PRR36: variants seen among roughly 807,000 people sequenced by gnomAD.
The protein encoded by PRR36 is proline-rich protein 36.
Under a neutral mutation model 58.6 loss-of-function variants are expected in PRR36, and 30 were observed. The observed-to-expected ratio is 0.51, with a 90% confidence interval of 0.38 to 0.69. The LOEUF is 0.69. PRR36 is among the 30% of genes least tolerant of loss of function. The pLI is 0.00. For missense variants in PRR36, 1,692 were observed against 1,805.6 expected (o/e 0.94, Z 1.14); for synonymous variants, 771 against 829.3 (o/e 0.93, Z 1.21).
Position 7,870,132 on chromosome 19 carries a change from A to C in PRR36, c.3112T>G (p.Ser1038Ala). Residue 1038 changes from serine (S) to alanine (A), a missense_variant, in exon 5 of 6, where the codon TCT becomes GCT. Coordinates refer to ENST00000618550, the MANE Select transcript of PRR36 (RefSeq NM_001190467.2). ...AAAGGAGACATTGGGAGTGAGGCAG[A>C]GGGTGAGAAAGGGGCCTGCCCAGGG... is the stretch of plus-strand genomic sequence containing the variant. The part of the protein sequence containing the change: ...SFPGQAPFSP[S>A]ASLPMSPLAT... 1 of 1,293,936 alleles carries C rather than the reference A, an allele frequency of 7.7e-7. No homozygotes were observed. Among genetic ancestry groups the C allele is most frequent in the East Asian group, 3.6e-5 (1 of 27,744 alleles). 80.2% of individuals were successfully genotyped at this position (1,293,936 alleles called of 1,614,324 possible).
In PRR36 at chr19:7,871,673, G is replaced by A. The variant is rs1374923666; in HGVS notation, c.1571C>T (p.Pro524Leu). Residue 524 changes from proline (P) to leucine (L), a missense_variant, in exon 5 of 6, where the codon CCT (proline) becomes CTT (leucine). Pro to Leu is a moderately conservative substitution (Grantham distance 98). Transcript: ENST00000618550. ...CTGCAGAGGCAATGTGGCCAGAAGAGGAGAGTCCTGCAGAGGAAGAGTGGC... is the reference window on the plus strand; with the variant it reads ...CTGCAGAGGCAATGTGGCCAGAAGAAGAGAGTCCTGCAGAGGAAGAGTGGC... Reference protein sequence around the residue: ...TLATLPLQDSPLLATLPLQAS... With the variant: ...TLATLPLQDSLLLATLPLQAS... 2 of 1,536,070 alleles carry A rather than the reference G, an allele frequency of 1.3e-6. No individual in the cohort carries two copies. Among genetic ancestry groups the A allele is most frequent in the East Asian group, 2.4e-5 (1 of 40,920 alleles).
rs749767385 is a variant in PRR36 at position 7,871,703 on chromosome 19, G to C, written c.1541C>G (p.Thr514Ser). ...SPPSLQATPH[T>S]LATLPLQDSP... is the part of the protein sequence containing the mutation. Reference sequence around the variant, plus strand: ...GTCCTGCAGAGGAAGAGTGGCCAGAGTGTGGGGCGTGGCCTGGAGAGAGGG... The same window carrying C: ...GTCCTGCAGAGGAAGAGTGGCCAGACTGTGGGGCGTGGCCTGGAGAGAGGG... The change falls in exon 5 of 6, where the codon ACT becomes AGT. Residue 514 changes from threonine to serine, a missense_variant. Thr to Ser is a moderately conservative substitution (Grantham distance 58). Coordinates refer to ENST00000618550, the MANE Select transcript of PRR36 (RefSeq NM_001190467.2). The C allele has an allele frequency of 6.5e-7, 1 of 1,535,802 alleles. No homozygotes were observed. The highest frequency in any genetic ancestry group is 2.4e-5 in the East Asian group (1 of 40,900).
Position 7,871,803 on chromosome 19 carries a change from G to A in PRR36, c.1441C>T (p.Leu481=), listed in dbSNP as rs555621557. The change falls in exon 5 of 6, where the codon CTG becomes TTG. Residue 481 remains leucine (L), a synonymous_variant. Coordinates refer to ENST00000618550, the MANE Select transcript of PRR36 (RefSeq NM_001190467.2). ...AGGCCTGGCTGAGGGAGTGCGGCCA[G>A]GGGAAAAGCCGAATTCCCCAGAGAT... The part of the protein sequence containing the change: ...ATSLGNSAFP[L]AALPQPGLSA... 50 of 1,535,762 alleles carry A rather than the reference G, an allele frequency of 3.3e-5. No individual in the cohort carries two copies. Among genetic ancestry groups the A allele is most frequent in the African/African-American group, 2.7e-4 (20 of 73,048 alleles).
Position 7,874,104 on chromosome 19 carries a change from C to G in PRR36, c.-8+182G>C, listed in dbSNP as rs536875679. 2.3e-4 allele frequency among the ~76,000 whole-genome samples: 35 copies of G among 152,314 alleles called. No homozygotes were observed. The South Asian group carries it at 5.8e-3, about 25-fold the overall frequency. On this transcript the variant is annotated intron_variant, in intron 1 of 5. Coordinates refer to ENST00000618550, the MANE Select transcript of PRR36 (RefSeq NM_001190467.2). The surrounding 1 kb of genome is among the most constrained non-coding windows in gnomAD (Gnocchi z 6.0). ...CCCGGAGCGCACGCCCGGGTCTCCC[C>G]GCCAGCCCCCATCGGCCTCCCCTGG...
In PRR36 at chr19:7,869,820, C is replaced by T. The variant is rs1980293165; in HGVS notation, c.3424G>A (p.Gly1142Ser). ...ELRGYDSGPE[G>S]GAAASPPPDA... The stretch of plus-strand genomic sequence containing the variant: ...GGGGGCGGGGAGGCTGCGGCACCGC[C>T]CTCGGGCCCGCTGTCGTAGCCACGC... The change falls in exon 5 of 6, where the codon GGC (glycine) becomes AGC (serine). Residue 1142 changes from glycine (G) to serine (S), a missense_variant. Gly to Ser is a moderately conservative substitution (Grantham distance 56). Around this residue, in one of 5 missense-constraint regions of PRR36, gnomAD observed 485 missense variants for 549.2 expected, o/e 0.88. Coordinates refer to ENST00000618550, the MANE Select transcript of PRR36 (RefSeq NM_001190467.2). 2.2e-6 allele frequency: 3 copies of T among 1,351,656 alleles called. No homozygotes were observed. The Admixed American group carries it at 1.2e-4, about 54-fold the overall frequency. The allele number at this position is 1,351,656 out of a possible 1,614,324, so 83.7% of individuals were successfully genotyped here.
chr19:7,873,383 A>G lies in PRR36; in HGVS notation c.271+36T>C. ...GGACAGGTATTGGAAGGGGGAGGGA[A>G]GATGGGGGCGGAGCTGAGGAAGGAG... On this transcript the variant is annotated intron_variant, in intron 2 of 5. Transcript: ENST00000618550. The surrounding 1 kb of genome is among the most constrained non-coding windows in gnomAD (Gnocchi z 5.0). The G allele has an allele frequency of 6.6e-7, 1 of 1,516,934 alleles. No individual in the cohort carries two copies. Among genetic ancestry groups the G allele is most frequent in the Non-Finnish European group, 8.8e-7 (1 of 1,134,970 alleles). The allele number at this position is 1,516,934 out of a possible 1,614,324, so 94.0% of individuals were successfully genotyped here.
chr19:7,870,724 AG>A lies in PRR36; in HGVS notation c.2519del (p.Pro840LeufsTer82), dbSNP rs1300999366. Reference protein sequence around the residue: ...SPPLSPLATPPPQAPPALALP... With the variant: ...SPPLSPLATPXPQAPPALALP... ...AGGCCAGGGCAGGTGGGGCCTGTGG[AG>A]GGGGCGTGGCCAAAGGAGACAGAGG... On this transcript the variant is annotated frameshift_variant, in exon 5 of 6. Coordinates refer to ENST00000618550, the MANE Select transcript of PRR36 (RefSeq NM_001190467.2). LOFTEE classifies it high-confidence loss of function. 9.1e-7 allele frequency: 1 copy of A among 1,104,072 alleles called. No homozygotes were observed. The highest frequency in any genetic ancestry group is 1.1e-6 in the Non-Finnish European group (1 of 912,626). 68.4% of individuals were successfully genotyped at this position (1,104,072 alleles called of 1,614,324 possible).
rs1254791472 is a variant in PRR36 at position 7,870,564 on chromosome 19, G to C, written c.2680C>G (p.Pro894Ala). 55 of 1,107,358 alleles carry C rather than the reference G, an allele frequency of 5.0e-5. No individual in the cohort carries two copies. The highest frequency in any genetic ancestry group is 2.7e-4 in the Middle Eastern group (1 of 3,748). 68.6% of individuals were successfully genotyped at this position (1,107,358 alleles called of 1,614,324 possible). ...GGGGGAGAGAAAGGGGCCTGCACTG[G>C]GGGTGAGGGAGGGGGAGAGAAAGGG... ...QAPFSPPPSPPVQAPFSPPAS... is the reference protein window; with the variant it reads ...QAPFSPPPSPAVQAPFSPPAS... The change falls in exon 5 of 6, where the codon CCA becomes GCA. Residue 894 changes from proline to alanine, a missense_variant. By Grantham distance (27) the Pro-to-Ala change is conservative. This residue lies in a region of PRR36 where 171 missense variants were observed against 146.2 expected (regional missense o/e 1.17). Transcript: ENST00000618550.
In PRR36 at chr19:7,872,708, C is replaced by A. The variant is rs1052516754; in HGVS notation, c.536G>T (p.Arg179Leu). 1.0e-5 allele frequency: 15 copies of A among 1,446,138 alleles called. No homozygotes were observed. The highest frequency in any genetic ancestry group is 2.7e-5 in the Admixed American group (1 of 37,086). 89.6% of individuals were successfully genotyped at this position (1,446,138 alleles called of 1,614,324 possible). A position where few individuals can be genotyped will look rare whatever the true frequency, so the allele number is the denominator to read the frequency against. ...CACCTCGGTGCCCGCAGCCCGGGACCGACGGGCCATGGCCGGGGACGGGGT... is the reference window on the plus strand; with the variant it reads ...CACCTCGGTGCCCGCAGCCCGGGACAGACGGGCCATGGCCGGGGACGGGGT... Reference protein sequence around the residue: ...PGTPSPAMARRSRAAGTEVGL... With the variant: ...PGTPSPAMARLSRAAGTEVGL... Residue 179 changes from arginine (R) to leucine (L), a missense_variant, in exon 5 of 6, where the codon CGG (arginine) becomes CTG (leucine). By Grantham distance (102) the Arg-to-Leu change is moderately radical (BLOSUM62 -2). Around this residue, in one of 5 missense-constraint regions of PRR36, gnomAD observed 975 missense variants for 955.2 expected, o/e 1.02. Coordinates refer to ENST00000618550, the MANE Select transcript of PRR36 (RefSeq NM_001190467.2). This position sits in a 1 kb window ranked among gnomAD's most constrained non-coding sequence, Gnocchi z 6.1.
chr19:7,869,700 T>A lies in PRR36; in HGVS notation c.3529+15A>T. 7.4e-7 allele frequency: 1 copy of A among 1,354,790 alleles called. No homozygotes were observed. Among genetic ancestry groups the A allele is most frequent in the Non-Finnish European group, 9.5e-7 (1 of 1,057,900 alleles). 83.9% of individuals were successfully genotyped at this position (1,354,790 alleles called of 1,614,324 possible). On this transcript the variant is annotated intron_variant, in intron 5 of 5. Transcript: ENST00000618550. ...ACCCCGCCCACAGCCAGGCCGGGTC[T>A]GGGGTGCCCCTTACCTGGGGCTCCG...
chr19:7,873,712 G>C lies in PRR36; in HGVS notation c.-7-16C>G, dbSNP rs1296718530. 1.3e-6 allele frequency: 2 copies of C among 1,530,712 alleles called. No individual in the cohort carries two copies. The highest frequency in any genetic ancestry group is 1.4e-5 in the African/African-American group (1 of 72,790). 94.8% of individuals were successfully genotyped at this position (1,530,712 alleles called of 1,614,324 possible). A position where few individuals can be genotyped will look rare whatever the true frequency, so the allele number is the denominator to read the frequency against. ...CATCTTGCACCTGAAGAGACAAACCGGTCCGCATCCCAGGTTCTGGACAGC... is the reference window on the plus strand; with the variant it reads ...CATCTTGCACCTGAAGAGACAAACCCGTCCGCATCCCAGGTTCTGGACAGC... On this transcript the variant is annotated splice_polypyrimidine_tract_variant and intron_variant, in intron 1 of 5. Transcript: ENST00000618550. The surrounding 1 kb of genome is among the most constrained non-coding windows in gnomAD (Gnocchi z 5.0).
chr19:7,869,358 G>T lies in PRR36; in HGVS notation c.3716C>A (p.Pro1239Gln), dbSNP rs569642414. Reference protein sequence around the residue: ...GAGAGASSRSPKQARLGELPL... With the variant: ...GAGAGASSRSQKQARLGELPL... ...CAGCTCGCCCAGGCGCGCCTGCTTC[G>T]GGCTCCGCGAGGACGCCCCGGCCCC... The change falls in exon 6 of 6, where the codon CCG becomes CAG. Residue 1239 changes from proline to glutamine, a missense_variant. Pro to Gln is a moderately conservative substitution (Grantham distance 76). Coordinates refer to ENST00000618550, the MANE Select transcript of PRR36 (RefSeq NM_001190467.2). 7.0e-7 allele frequency: 1 copy of T among 1,431,756 alleles called. No individual in the cohort carries two copies. Among genetic ancestry groups the T allele is most frequent in the Admixed American group, 3.0e-5 (1 of 33,170 alleles). 88.7% of individuals were successfully genotyped at this position (1,431,756 alleles called of 1,614,324 possible).
chr19:7,872,771 GAAGGCC>G lies in PRR36; in HGVS notation c.488-21_488-16del. On this transcript the variant is annotated splice_polypyrimidine_tract_variant and intron_variant, in intron 4 of 5. Transcript: ENST00000618550. The surrounding 1 kb of genome is among the most constrained non-coding windows in gnomAD (Gnocchi z 6.1). ...CCCGGAAGTGTCTGGAGAAAAAGTAGAAGGCCAAGGGTCACCGATACCTCTGAGGCG... is the reference window on the plus strand; with the variant it reads ...CCCGGAAGTGTCTGGAGAAAAAGTAGAAGGGTCACCGATACCTCTGAGGCG... The G allele has an allele frequency of 6.8e-7, 1 of 1,481,276 alleles. No homozygotes were observed. The highest frequency in any genetic ancestry group is 1.3e-5 in the South Asian group (1 of 77,328). 91.8% of individuals were successfully genotyped at this position (1,481,276 alleles called of 1,614,324 possible). A position where few individuals can be genotyped will look rare whatever the true frequency, so the allele number is the denominator to read the frequency against.
In PRR36 at chr19:7,872,186, A is replaced by G. The variant is rs1378996931; in HGVS notation, c.1058T>C (p.Leu353Pro). Residue 353 changes from leucine (L) to proline (P), a missense_variant, in exon 5 of 6, where the codon CTG becomes CCG. This residue lies in a region of PRR36 where 975 missense variants were observed against 955.2 expected (regional missense o/e 1.02). Transcript: ENST00000618550. The surrounding 1 kb of genome is among the most constrained non-coding windows in gnomAD (Gnocchi z 6.1). ...AALQSQAPPT[L>P]PATPHSSSLT... ...GCTCGACGAGTGGGGCGTGGCCGGC[A>G]GGGTGGGCGGGGCCTGACTTTGGAG... 1.4e-6 allele frequency: 2 copies of G among 1,385,688 alleles called. No individual in the cohort carries two copies. Among genetic ancestry groups the G allele is most frequent in the Non-Finnish European group, 1.9e-6 (2 of 1,063,762 alleles). The allele number at this position is 1,385,688 out of a possible 1,614,324, so 85.8% of individuals were successfully genotyped here. A position where few individuals can be genotyped will look rare whatever the true frequency, so the allele number is the denominator to read the frequency against.
In PRR36 at chr19:7,871,765, G is replaced by C; in HGVS notation, c.1479C>G (p.Thr493=). 6.5e-7 allele frequency: 1 copy of C among 1,534,774 alleles called. No homozygotes were observed. Among genetic ancestry groups the C allele is most frequent in the Non-Finnish European group, 8.7e-7 (1 of 1,146,450 alleles). Residue 493 remains threonine, a synonymous_variant, in exon 5 of 6, where the codon ACC becomes ACG. Transcript: ENST00000618550. ...AAGGACTGGCCTGCGGAGGGGGCGT[G>C]GTCAGAGCAGAAAGGCCTGGCTGAG... ...ALPQPGLSAL[T]TPPPQASPSP... is the part of the protein sequence containing the mutation.
chr19:7,872,486 G>T lies in PRR36; in HGVS notation c.758C>A (p.Ala253Asp). 6.7e-7 allele frequency: 1 copy of T among 1,481,786 alleles called. No homozygotes were observed. The highest frequency in any genetic ancestry group is 8.9e-7 in the Non-Finnish European group (1 of 1,123,304). The allele number at this position is 1,481,786 out of a possible 1,614,324, so 91.8% of individuals were successfully genotyped here. ...SSSATPLSSP[A>D]RSGPSARGTP... The stretch of plus-strand genomic sequence containing the variant: ...TCCGCGGGCTGAGGGCCCAGAACGG[G>T]CTGGGGAGGAGAGAGGGGTGGCGCT... Residue 253 changes from alanine to aspartate, a missense_variant, in exon 5 of 6, where the codon GCC becomes GAC. Ala to Asp is a moderately radical substitution (Grantham distance 126, BLOSUM62 -2). Transcript: ENST00000618550. This position sits in a 1 kb window ranked among gnomAD's most constrained non-coding sequence, Gnocchi z 6.1.
Position 7,874,116 on chromosome 19 carries a change from T to C in PRR36, c.-8+170A>G, listed in dbSNP as rs1599591917. Among the ~76,000 whole-genome samples the C allele has an allele frequency of 1.3e-5, 2 of 152,084 alleles. No homozygotes were observed. The highest frequency in any genetic ancestry group is 6.8e-3 in the Middle Eastern group (2 of 294). ...GCCCGGGTCTCCCCGCCAGCCCCCA[T>C]CGGCCTCCCCTGGCCTCCCCGAGGG... On this transcript the variant is annotated intron_variant, in intron 1 of 5. Coordinates refer to ENST00000618550, the MANE Select transcript of PRR36 (RefSeq NM_001190467.2). This position sits in a 1 kb window ranked among gnomAD's most constrained non-coding sequence, Gnocchi z 6.0.
Position 7,870,669 on chromosome 19 carries a change from G to A in PRR36, c.2575C>T (p.Pro859Ser). The A allele has an allele frequency of 1.4e-6, 2 of 1,384,134 alleles. No individual in the cohort carries two copies. The highest frequency in any genetic ancestry group is 1.5e-5 in the African/African-American group (1 of 66,012). The allele number at this position is 1,384,134 out of a possible 1,614,324, so 85.7% of individuals were successfully genotyped here. A position where few individuals can be genotyped will look rare whatever the true frequency, so the allele number is the denominator to read the frequency against. Residue 859 changes from proline to serine, a missense_variant, in exon 5 of 6, where the codon CCT becomes TCT. Around this residue, in one of 5 missense-constraint regions of PRR36, gnomAD observed 171 missense variants for 146.2 expected, o/e 1.17. Transcript: ENST00000618550. Reference protein sequence around the residue: ...LPPLQAPPSPPASPPLSPLAT... With the variant: ...LPPLQAPPSPSASPPLSPLAT... ...AAAGGAGACAGAGGGGGTGAGGCAGGGGGAGAGGGAGGGGCCTGCAGAGGA... is the reference window on the plus strand; with the variant it reads ...AAAGGAGACAGAGGGGGTGAGGCAGAGGGAGAGGGAGGGGCCTGCAGAGGA...
At position 7,871,258 on chromosome 19, in the gene PRR36, A is replaced by G. The variant is rs778215362; in HGVS notation, c.1986T>C (p.Leu662=). 6.8e-7 allele frequency: 1 copy of G among 1,460,834 alleles called. No homozygotes were observed. The highest frequency in any genetic ancestry group is 1.2e-5 in the South Asian group (1 of 82,400). 90.5% of individuals were successfully genotyped at this position (1,460,834 alleles called of 1,614,324 possible). ...DSPPLQAPLS[L]PASPPLQTSL... is the part of the protein sequence containing the mutation. ...AAGTCTGCAGAGGGGGTGAGGCAGGAAGGGAAAGAGGGGCCTGCAGAGGGG... is the reference window on the plus strand; with the variant it reads ...AAGTCTGCAGAGGGGGTGAGGCAGGGAGGGAAAGAGGGGCCTGCAGAGGGG... The change falls in exon 5 of 6, where the codon CTT becomes CTC. Residue 662 remains leucine (L), a synonymous_variant. Transcript: ENST00000618550.
Sources: gnomAD v4.1 joint callset for allele counts (sites outside exome capture counted in the v4.1 genomes callset) on GRCh38, gnomAD v4.1.1 for gene constraint, gnomAD v4.1.1 regional missense constraint, Gnocchi (gnomAD v3.1) non-coding constraint, MANE v1.5 for transcripts, NCBI Gene and HGNC (gene_info 2026-07-23, HGNC 2026-07-21) for gene names.